TOPAZ1: variants seen among roughly 807,000 people sequenced by gnomAD.
TOPAZ1 encodes the protein protein TOPAZ1.
A neutral mutation model predicts 172.2 loss-of-function variants in TOPAZ1; 66 were observed. The ratio of observed to expected loss-of-function variants is 0.38; its 90% CI spans 0.31 to 0.47. The LOEUF (loss-of-function observed/expected upper bound fraction) is 0.47, where lower values mean the gene tolerates loss of function less well. Among genes scored for constraint, TOPAZ1 ranks in the 20% least tolerant of loss-of-function variants. The pLI, the probability that TOPAZ1 is intolerant of heterozygous loss-of-function variation, is 0.99. For synonymous variants in TOPAZ1, 681 were observed against 683.9 expected, an observed-to-expected ratio of 1.00 and a Z score of 0.07; for missense variants, 1,822 against 1,972.4, an observed-to-expected ratio of 0.92 and a Z score of 1.44.
In TOPAZ1 at chr3:44,331,975, G is replaced by A; in HGVS notation, c.5043G>A (p.Lys1681=). The A allele has an allele frequency of 1.9e-6, 3 of 1,549,886 alleles. No homozygotes were observed. The highest frequency in any genetic ancestry group is 2.6e-6 in the Non-Finnish European group (3 of 1,146,822). Residue 1681 remains lysine, a synonymous_variant, in exon 20 of 20, where the codon AAG becomes AAA. Transcript: ENST00000309765. Reference sequence around the variant, plus strand: ...TGAAATGGTTAAAAGAGAATATGAAGTGGGCTGGAAAGGTTTGGCTTTTCA... The same window carrying A: ...TGAAATGGTTAAAAGAGAATATGAAATGGGCTGGAAAGGTTTGGCTTTTCA... The part of the protein sequence containing the change: ...SALKWLKENM[K]WAGKVWLFSN...
At chr3:44,284,841 T>G (rs542888205) in intron 9 of TOPAZ1, among the ~76,000 whole-genome samples, 1 of 152,312 alleles carries the variant, frequency 6.6e-6, no homozygotes, top group East Asian at 1.9e-4. Context: ...GATGACAATT[T>G]CTGTGGTTTA....
intron 4 of TOPAZ1, among the ~76,000 whole-genome samples, chr3:44,260,360 T>G (rs1699762358): frequency 1.3e-5 from 2 of 152,182 alleles, no homozygotes; most frequent in Non-Finnish European, 2.9e-5. Context: ...ATTTCATTTG[T>G]TTTGACTTCG....
At chr3:44,246,373 A>G (rs1207635075) in intron 2 of TOPAZ1, among the ~76,000 whole-genome samples, 1 of 152,230 alleles carries the variant, frequency 6.6e-6, no homozygotes, top group Non-Finnish European at 1.5e-5. Flanking sequence ...CTCAAAGAAA[A>G]ATGAAAACAC....
chr3:44,331,379 G>A (rs1355572922), intron 19 of TOPAZ1, among the ~76,000 whole-genome samples: 9 of 151,990 alleles, frequency 5.9e-5, no homozygotes, highest in Middle Eastern at 3.2e-3. Flanking sequence ...AGGCTAGAGT[G>A]CAGTGGTGCA....
chr3:44,308,139 A>G (rs1700355674), intron 15 of TOPAZ1, among the ~76,000 whole-genome samples: 1 of 151,836 alleles, frequency 6.6e-6, no homozygotes, highest in Non-Finnish European at 1.5e-5. Flanking sequence ...GCAGGGGGTG[A>G]TGGCGCTAAT....
rs1699786233 is a variant in TOPAZ1 at position 44,262,499 on chromosome 3, C to T, written c.3020+16C>T. 1.6e-6 allele frequency: 2 copies of T among 1,268,320 alleles called. No individual in the cohort carries two copies. Among genetic ancestry groups the T allele is most frequent in the South Asian group, 2.7e-5 (2 of 73,284 alleles). 78.6% of individuals were successfully genotyped at this position (1,268,320 alleles called of 1,614,324 possible). A position where few individuals can be genotyped will look rare whatever the true frequency, so the allele number is the denominator to read the frequency against. ...TTTGCAAAAGGTCTGTAACATAATT[C>T]TTAATTACATAACTTAAAATAGTCA... On this transcript the variant is annotated intron_variant, in intron 5 of 19. Transcript: ENST00000309765.
At chr3:44,273,461 C>T (rs1238667328) in intron 8 of TOPAZ1, among the ~76,000 whole-genome samples, 7 of 152,240 alleles carry the variant, frequency 4.6e-5, no homozygotes, top group Admixed American at 2.6e-4. Context: ...TTCTCTACTC[C>T]GCATTCAGAA....
chr3:44,268,848 C>T (rs1006301835), intron 6 of TOPAZ1, among the ~76,000 whole-genome samples: 3 of 152,166 alleles, frequency 2.0e-5, no homozygotes, highest in Non-Finnish European at 4.4e-5. Flanking sequence ...CAGTCCATCG[C>T]ACCTGGATTT....
chr3:44,267,786 A>G (rs145340863), intron 6 of TOPAZ1, among the ~76,000 whole-genome samples: 4 of 152,302 alleles, frequency 2.6e-5, no homozygotes, highest in African/African-American at 9.6e-5. Flanking sequence ...ATGAATTTAG[A>G]ATCTGTAAAA....
rs1206178629 is a variant in TOPAZ1, at chr3:44,321,115, T to C, written c.4395T>C (p.His1465=). 1.3e-6 allele frequency: 2 copies of C among 1,551,070 alleles called. No homozygotes were observed. The highest frequency in any genetic ancestry group is 2.4e-5 in the South Asian group (2 of 83,938). Residue 1465 remains histidine, a synonymous_variant, in exon 17 of 20, where the codon CAT becomes CAC. Transcript: ENST00000309765. ...NRHNLLCTIA[H]EILAKSLYRQ... ...ATAATTTACTCTGTACAATTGCACA[T>C]GAAATCTTAGCCAAGAGCCTTTATA...
intron 2 of TOPAZ1, among the ~76,000 whole-genome samples, chr3:44,247,896 C>T (rs906572581): frequency 4.6e-5 from 7 of 152,186 alleles, no homozygotes; most frequent in Non-Finnish European, 1.0e-4. Context: ...AGTGATCTGC[C>T]TGCCTTGGCC....
chr3:44,299,526 T>C (rs1019379498), intron 12 of TOPAZ1, among the ~76,000 whole-genome samples: 7 of 151,928 alleles, frequency 4.6e-5, no homozygotes, highest in Admixed American at 3.3e-4. Context: ...AGTTCAACCA[T>C]TGTGGAAGTC....
chr3:44,279,471 A>G (rs1249951874), intron 8 of TOPAZ1, among the ~76,000 whole-genome samples: 2 of 152,104 alleles, frequency 1.3e-5, no homozygotes, highest in Non-Finnish European at 2.9e-5. Flanking sequence ...AGATGTAATA[A>G]TATATGCTTT....
In TOPAZ1 at chr3:44,331,749, C is replaced by G. The variant is rs151182693; in HGVS notation, c.4860-43C>G. The G allele has an allele frequency of 4.6e-4, 639 of 1,390,478 alleles. 4 individuals are homozygous for G. The East Asian group carries it at 0.014, about 31-fold the overall frequency. The allele number at this position is 1,390,478 out of a possible 1,614,324, so 86.1% of individuals were successfully genotyped here. A position where few individuals can be genotyped will look rare whatever the true frequency, so the allele number is the denominator to read the frequency against. The stretch of plus-strand genomic sequence containing the variant: ...ACTATCTTTTGAAGAAACTATATAG[C>G]TTTTTTAAGAGTTTCTGACTTTATG... On this transcript the variant is annotated intron_variant, in intron 19 of 19. Coordinates refer to ENST00000309765, the MANE Select transcript of TOPAZ1 (RefSeq NM_001145030.2).
chr3:44,304,295 A>C (rs1224571277), intron 13 of TOPAZ1, among the ~76,000 whole-genome samples: 1 of 152,226 alleles, frequency 6.6e-6, no homozygotes, highest in East Asian at 1.9e-4. Flanking sequence ...CTGTACTAAA[A>C]ATAATTCTAA....
At position 44,262,407 on chromosome 3, in the gene TOPAZ1, A is replaced by G; in HGVS notation, c.2956-12A>G. 7.0e-7 allele frequency: 1 copy of G among 1,420,532 alleles called. No homozygotes were observed. Among genetic ancestry groups the G allele is most frequent in the Non-Finnish European group, 9.6e-7 (1 of 1,039,966 alleles). The allele number at this position is 1,420,532 out of a possible 1,614,324, so 88.0% of individuals were successfully genotyped here. ...CTTCACTTGTACTTATTTAACCATAATCTCTTCACAGCATAGATTTACAGA... is the reference window on the plus strand; with the variant it reads ...CTTCACTTGTACTTATTTAACCATAGTCTCTTCACAGCATAGATTTACAGA... On this transcript the variant is annotated splice_polypyrimidine_tract_variant and intron_variant, in intron 4 of 19. Coordinates refer to ENST00000309765, the MANE Select transcript of TOPAZ1 (RefSeq NM_001145030.2).
intron 4 of TOPAZ1, among the ~76,000 whole-genome samples, chr3:44,260,859 A>G (rs1242001393): frequency 6.6e-6 from 1 of 152,170 alleles, no homozygotes; most frequent in Non-Finnish European, 1.5e-5. Flanking sequence ...AGTTAGGAGC[A>G]CACTTATTTT....
chr3:44,311,072 T>C (rs369698794), intron 16 of TOPAZ1, among the ~76,000 whole-genome samples: 3 of 152,234 alleles, frequency 2.0e-5, no homozygotes, highest in African/African-American at 7.2e-5. Flanking sequence ...ATGGAATCAA[T>C]AAATAAAGCA....
intron 12 of TOPAZ1, among the ~76,000 whole-genome samples, chr3:44,291,855 A>G (rs1700141966): frequency 6.6e-6 from 1 of 152,198 alleles, no homozygotes; most frequent in African/African-American, 2.4e-5. Flanking sequence ...TGGAGCTTCC[A>G]TCGCTATTTT....
Sources: allele counts gnomAD v4.1 joint callset (sites outside exome capture counted in the v4.1 genomes callset), GRCh38; gene constraint gnomAD v4.1.1; transcripts MANE v1.5; gene names NCBI Gene and HGNC (gene_info 2026-07-23, HGNC 2026-07-21).